TMEFF2: variants seen among roughly 807,000 people sequenced by gnomAD.
TMEFF2 encodes the protein tomoregulin-2.
TMEFF2 carries 28 observed loss-of-function variants against 53.8 expected under a neutral mutation model. The ratio of observed to expected loss-of-function variants is 0.52; its 90% CI spans 0.39 to 0.71. The LOEUF (loss-of-function observed/expected upper bound fraction) is 0.71. Ranked by LOEUF, TMEFF2 falls within the 30% of genes least tolerant of loss-of-function variation. The pLI is 0.00. For synonymous variants in TMEFF2, 162 were observed against 166.3 expected, an observed-to-expected ratio of 0.97 and a Z score of 0.20; for missense variants, 353 against 455.2, an observed-to-expected ratio of 0.78 and a Z score of 2.04.
intron 4 of TMEFF2, among the ~76,000 whole-genome samples, chr2:192,133,289 T>G (rs1340063825): frequency 2.6e-5 from 4 of 151,958 alleles, no homozygotes; most frequent in African/African-American, 9.7e-5. Context: ...TCCTCTTGTA[T>G]CCCCCCACCT....
At chr2:191,987,253 TGAG>T (rs1268938925) in intron 7 of TMEFF2, among the ~76,000 whole-genome samples, 7 of 151,520 alleles carry the variant, frequency 4.6e-5, no homozygotes, top group African/African-American at 1.2e-4. Flanking sequence ...GGGAGGGAAA[TGAG>T]GAGGAGGAAG....
At chr2:192,037,637 GAGAGAA>G (rs1184199987) in intron 5 of TMEFF2, among the ~76,000 whole-genome samples, 54 of 21,298 alleles carry the variant, frequency 2.5e-3, no homozygotes, top group African/African-American at 4.0e-3. Context: ...GAGAGAAAGA[GAGAGAA>G]AGAGAGAGAG....
At chr2:192,122,618 C>T (rs1689583155) in intron 4 of TMEFF2, among the ~76,000 whole-genome samples, 1 of 151,950 alleles carries the variant, frequency 6.6e-6, no homozygotes, top group South Asian at 2.1e-4. Context: ...TGCATTTTAC[C>T]AAGTCTGTTT....
intron 7 of TMEFF2, among the ~76,000 whole-genome samples, chr2:191,976,181 A>G (rs541872435): frequency 2.0e-5 from 3 of 152,242 alleles, no homozygotes; most frequent in East Asian, 1.9e-4. Context: ...GCCTCTGCCT[A>G]TTAGTTATGG....
intron 4 of TMEFF2, among the ~76,000 whole-genome samples, chr2:192,167,773 A>C (rs1690805060): frequency 6.6e-6 from 1 of 152,106 alleles, no homozygotes; most frequent in Admixed American, 6.6e-5. Flanking sequence ...ATCACTTTGC[A>C]GGTTTCTTCA....
intron 9 of TMEFF2, among the ~76,000 whole-genome samples, chr2:191,952,403 TTG>T (rs1200008027): frequency 1.1e-4 from 17 of 152,226 alleles, no homozygotes; most frequent in Non-Finnish European, 2.5e-4. Context: ...AATATAGGTT[TTG>T]TTTTTCATGT....
intron 4 of TMEFF2, among the ~76,000 whole-genome samples, chr2:192,154,831 T>C (rs886176875): frequency 6.6e-6 from 1 of 151,898 alleles, no homozygotes; most frequent in African/African-American, 2.4e-5. Context: ...TGAGGGCTTC[T>C]TGCCTGCTTC....
chr2:192,097,519 G>A (rs552641137), intron 4 of TMEFF2, among the ~76,000 whole-genome samples: 2 of 152,222 alleles, frequency 1.3e-5, no homozygotes, highest in South Asian at 4.2e-4. Context: ...CACCCTCAAT[G>A]GACCTACCAT....
intron 4 of TMEFF2, among the ~76,000 whole-genome samples, chr2:192,167,223 CTAATGGCAGCAT>C (rs1039030340): frequency 1.3e-5 from 2 of 152,092 alleles, no homozygotes; most frequent in African/African-American, 4.8e-5. Flanking sequence ...AATAAAATAT[CTAATGGCAGCAT>C]TAAATGCTAT....
chr2:192,125,815 C>G (rs1689662670), intron 4 of TMEFF2, among the ~76,000 whole-genome samples: 1 of 152,084 alleles, frequency 6.6e-6, no homozygotes, highest in African/African-American at 2.4e-5. Context: ...TAAGTGGGAG[C>G]TGAATGATGA....
intron 4 of TMEFF2, among the ~76,000 whole-genome samples, chr2:192,132,937 C>G (rs1329091237): frequency 1.3e-5 from 2 of 152,188 alleles, no homozygotes; most frequent in Non-Finnish European, 2.9e-5. Flanking sequence ...TCACAAACGC[C>G]AAGCTTCGAG....
intron 7 of TMEFF2, among the ~76,000 whole-genome samples, chr2:191,972,392 AC>A (rs1181411882): frequency 3.7e-5 from 5 of 136,434 alleles, no homozygotes; most frequent in African/African-American, 1.4e-4. Context: ...TGAACTCCTG[AC>A]CTCAGGTGAT....
At chr2:191,996,540 TTTTA>T (rs1313825434) in intron 7 of TMEFF2, among the ~76,000 whole-genome samples, 1 of 151,882 alleles carries the variant, frequency 6.6e-6, no homozygotes, top group Admixed American at 6.6e-5. Flanking sequence ...AGCCTCAGAC[TTTTA>T]TTTTTCATTA....
chr2:192,000,840 T>C lies in TMEFF2; in HGVS notation c.537-1632A>G, dbSNP rs1209511523. ...TTACATTTACCTATTTAGGAACAAA[T>C]AGCTACAACAGATGGCAACCATCTC... On this transcript the variant is annotated intron_variant, in intron 5 of 9. Coordinates refer to ENST00000272771, the MANE Select transcript of TMEFF2 (RefSeq NM_016192.4). 3.3e-5 allele frequency among the ~76,000 whole-genome samples: 5 copies of C among 152,290 alleles called. No homozygotes were observed. In the East Asian group the frequency reaches 9.6e-4, roughly 29 times the overall value.
chr2:192,079,241 C>A (rs535624531), intron 4 of TMEFF2, among the ~76,000 whole-genome samples: 2 of 152,342 alleles, frequency 1.3e-5, no homozygotes, highest in Admixed American at 1.3e-4. Context: ...CAGATGTACA[C>A]TGGGCTGACC....
intron 1 of TMEFF2, among the ~76,000 whole-genome samples, chr2:192,193,803 GAGAGAA>G (rs1691531829): frequency 1.4e-5 from 2 of 145,956 alleles, no homozygotes; most frequent in African/African-American, 2.6e-5. Flanking sequence ...GAGAGAGAGA[GAGAGAA>G]ATTCTATTGA....
chr2:191,949,605 TG>T lies in TMEFF2; in HGVS notation c.*705del. On this transcript the variant is annotated 3_prime_UTR_variant, in exon 10 of 10. Coordinates refer to ENST00000272771, the MANE Select transcript of TMEFF2 (RefSeq NM_016192.4). ...GTAAGTTCAGATATATGCACTTAAC[TG>T]GGGGATTCTAAGCTACTTCCCCAAT... 2 of 985,414 alleles carry T rather than the reference TG, an allele frequency of 2.0e-6. No individual in the cohort carries two copies. Among genetic ancestry groups the T allele is most frequent in the Non-Finnish European group, 2.4e-6 (2 of 829,926 alleles). 61.0% of individuals were successfully genotyped at this position (985,414 alleles called of 1,614,324 possible).
At position 192,106,500 on chromosome 2, in the gene TMEFF2, TGAC is replaced by T. The variant is rs900985817; in HGVS notation, c.440-48728_440-48726del. 1.2e-3 allele frequency among the ~76,000 whole-genome samples: 181 copies of T among 151,916 alleles called. 1 individual carries two copies. The highest frequency in any genetic ancestry group is 4.2e-3 in the African/African-American group (175 of 41,552). ...CATGTTATTTTCTGTTCTAAAACACTGACAACACTTAGCCTACACTGTTTTCAA... is the reference window on the plus strand; with the variant it reads ...CATGTTATTTTCTGTTCTAAAACACTAACACTTAGCCTACACTGTTTTCAA... On this transcript the variant is annotated intron_variant, in intron 4 of 9. Transcript: ENST00000272771.
chr2:192,105,171 GT>G (rs1216004252), intron 4 of TMEFF2, among the ~76,000 whole-genome samples: 4 of 151,832 alleles, frequency 2.6e-5, no homozygotes, highest in Admixed American at 2.6e-4. Flanking sequence ...ACAAAGCTGT[GT>G]TTTTTCCCCA....
Sources: gnomAD v4.1 joint callset for allele counts (sites outside exome capture counted in the v4.1 genomes callset) on GRCh38, gnomAD v4.1.1 for gene constraint, MANE v1.5 for transcripts, NCBI Gene and HGNC (gene_info 2026-07-23, HGNC 2026-07-21) for gene names.